The following PDE9A variants were observed in gnomAD, a reference collection of about 807,000 sequenced individuals.
The protein encoded by PDE9A is phosphodiesterase 9A.
Under a neutral mutation model 87.4 loss-of-function variants are expected in PDE9A, and 60 were observed. The observed-to-expected ratio is 0.69, with a 90% CI of 0.56 to 0.85. PDE9A has a LOEUF of 0.85. Among genes scored for constraint, PDE9A ranks in the 40% least tolerant of loss-of-function variants. The probability of loss-of-function intolerance (pLI) is 0.00; values close to 1 mark genes in which losing one functional copy is unlikely to be tolerated. For missense variants in PDE9A, 665 were observed against 779.0 expected (o/e 0.85, Z 1.74); for synonymous variants, 272 against 279.4 (o/e 0.97, Z 0.27).
chr21:42,725,577 G>T (rs8127448), intron 4 of PDE9A, among the ~76,000 whole-genome samples: 27,732 of 152,036 alleles, frequency 0.18, 2,978 homozygotes, highest in African/African-American at 0.3. Flanking sequence ...ATTCTGTAAC[G>T]TTCTACACAT....
chr21:42,682,770 C>A (rs1424665241), intron 1 of PDE9A, among the ~76,000 whole-genome samples: 1 of 152,232 alleles, frequency 6.6e-6, no homozygotes, highest in Non-Finnish European at 1.5e-5. Flanking sequence ...CAGTCACCCT[C>A]GGCCCCTCAA....
intron 19 of PDE9A, among the ~76,000 whole-genome samples, chr21:42,775,034 C>T (rs189984550): frequency 3.0e-3 from 459 of 151,458 alleles, no homozygotes; most frequent in African/African-American, 0.011. Flanking sequence ...CTCCACCTCC[C>T]GGGTTCAAGC....
At chr21:42,674,683 C>G (rs2058750221) in intron 1 of PDE9A, among the ~76,000 whole-genome samples, 1 of 152,216 alleles carries the variant, frequency 6.6e-6, no homozygotes, top group South Asian at 2.1e-4. Flanking sequence ...CCATTTCCTC[C>G]AGGAACCTTC....
intron 8 of PDE9A, among the ~76,000 whole-genome samples, chr21:42,747,143 A>G (rs2053941136): frequency 6.6e-6 from 1 of 152,218 alleles, no homozygotes; most frequent in South Asian, 2.1e-4. Context: ...CTATGTAGAA[A>G]GGAACTCAGA....
chr21:42,685,967 A>C (rs2059439417), intron 1 of PDE9A, among the ~76,000 whole-genome samples: 1 of 152,004 alleles, frequency 6.6e-6, no homozygotes, highest in African/African-American at 2.4e-5. Flanking sequence ...GCATCGCTGT[A>C]TTTTTCACAA....
chr21:42,773,982 G>C (rs1602626534), intron 19 of PDE9A, among the ~76,000 whole-genome samples: 1 of 151,554 alleles, frequency 6.6e-6, no homozygotes, highest in East Asian at 1.9e-4. Flanking sequence ...GTGGGTGCCT[G>C]TATTCCCAGC....
chr21:42,748,722 G>A (rs1344449302), intron 8 of PDE9A, among the ~76,000 whole-genome samples: 1 of 152,110 alleles, frequency 6.6e-6, no homozygotes, highest in East Asian at 1.9e-4. Flanking sequence ...AACATGCGTT[G>A]TGTAGTCTTT....
At position 42,705,511 on chromosome 21, in the gene PDE9A, G is replaced by A. The variant is rs575903772; in HGVS notation, c.262+6500G>A. ...GCTGTGATCACAGCACGCGGGAAAAGGACAGGGCCTCCCTCAGCGTGGCAG... is the reference window on the plus strand; with the variant it reads ...GCTGTGATCACAGCACGCGGGAAAAAGACAGGGCCTCCCTCAGCGTGGCAG... On this transcript the variant is annotated intron_variant, in intron 4 of 19. Transcript: ENST00000291539. The surrounding 1 kb of genome is among the most constrained non-coding windows in gnomAD (Gnocchi z 4.3). 2.0e-5 allele frequency among the ~76,000 whole-genome samples: 3 copies of A among 152,248 alleles called. No homozygotes were observed. The highest frequency in any genetic ancestry group is 6.5e-5 in the Admixed American group (1 of 15,304).
chr21:42,744,065 C>A (rs763801340), intron 8 of PDE9A, among the ~76,000 whole-genome samples: 1 of 152,074 alleles, frequency 6.6e-6, no homozygotes. Flanking sequence ...CAAAAGAGCA[C>A]GCATGGGCCG....
chr21:42,706,420 A>G (rs1371974888), intron 4 of PDE9A, among the ~76,000 whole-genome samples: 9 of 152,172 alleles, frequency 5.9e-5, no homozygotes, highest in Admixed American at 2.6e-4. Context: ...TGAGGCGGGC[A>G]GATCACCTGA....
intron 7 of PDE9A, chr21:42,734,658 C>T (rs1395946070): frequency 6.6e-6 from 1 of 152,196 alleles, no homozygotes; most frequent in African/African-American, 2.4e-5. Flanking sequence ...ATGCAACCTT[C>T]GCCTCCTGGG....
chr21:42,670,443 TATACAC>T (rs751566247), intron 1 of PDE9A, among the ~76,000 whole-genome samples: 23 of 149,736 alleles, frequency 1.5e-4, no homozygotes, highest in African/African-American at 1.7e-4. Flanking sequence ...CACATACACT[TATACAC>T]AGTCACACAG....
rs1281704988 is a variant in PDE9A at position 42,675,977 on chromosome 21, C to T, written c.70-10215C>T. On this transcript the variant is annotated intron_variant, in intron 1 of 19. Coordinates refer to ENST00000291539, the MANE Select transcript of PDE9A (RefSeq NM_002606.3). The surrounding 1 kb of genome is among the most constrained non-coding windows in gnomAD (Gnocchi z 4.3). The stretch of plus-strand genomic sequence containing the variant: ...TTTAGTGCCATCCCCTTGGTGCTAT[C>T]CTTGAGATAGTGAATTCTTGCAAGA... 2.0e-5 allele frequency among the ~76,000 whole-genome samples: 3 copies of T among 152,144 alleles called. No individual in the cohort carries two copies. The South Asian group carries it at 6.2e-4, about 31-fold the overall frequency.
At chr21:42,743,109 G>T (rs560009939) in intron 7 of PDE9A, among the ~76,000 whole-genome samples, 2 of 152,240 alleles carry the variant, frequency 1.3e-5, no homozygotes, top group Non-Finnish European at 2.9e-5. Context: ...ACAGCTTGGA[G>T]GTTCGAAGCA....
intron 1 of PDE9A, among the ~76,000 whole-genome samples, chr21:42,668,569 T>G (rs976535433): frequency 1.3e-5 from 2 of 152,152 alleles, no homozygotes; most frequent in Non-Finnish European, 2.9e-5. Context: ...TTCGTCGATT[T>G]TTGCATTTTC....
chr21:42,682,522 T>C (rs963103618), intron 1 of PDE9A, among the ~76,000 whole-genome samples: 2 of 152,130 alleles, frequency 1.3e-5, no homozygotes, highest in East Asian at 3.9e-4. Context: ...TCAGAAGATA[T>C]CAGAAGCAAA....
chr21:42,690,410 T>G (rs1405661487), intron 3 of PDE9A, among the ~76,000 whole-genome samples: 1 of 152,034 alleles, frequency 6.6e-6, no homozygotes, highest in East Asian at 1.9e-4. Context: ...GTGGATGTGA[T>G]CTAGATAATG....
intron 9 of PDE9A, among the ~76,000 whole-genome samples, chr21:42,751,818 C>T (rs1005628385): frequency 7.1e-6 from 1 of 140,826 alleles, no homozygotes; most frequent in Non-Finnish European, 1.5e-5. Context: ...ACAATCTTGG[C>T]TCACTGCAAC....
intron 4 of PDE9A, among the ~76,000 whole-genome samples, chr21:42,714,727 G>T (rs979177226): frequency 1.4e-5 from 2 of 146,136 alleles, no homozygotes; most frequent in Non-Finnish European, 3.0e-5. Flanking sequence ...GTTGGGGTTA[G>T]CTCTACCAGT....
Sources: allele counts gnomAD v4.1 joint callset (sites outside exome capture counted in the v4.1 genomes callset), GRCh38; gene constraint gnomAD v4.1.1; non-coding constraint Gnocchi (gnomAD v3.1); transcripts MANE v1.5; gene names NCBI Gene and HGNC (gene_info 2026-07-23, HGNC 2026-07-21).